MECOM: variants seen among roughly 807,000 people sequenced by gnomAD.
MECOM encodes the protein histone-lysine N-methyltransferase MECOM.
In MECOM, 13 loss-of-function variants were observed where a neutral mutation model predicts 116.3. The observed-to-expected ratio is 0.11, with a 90% CI of 0.07 to 0.18. The LOEUF (loss-of-function observed/expected upper bound fraction) is 0.18, where lower values mean the gene tolerates loss of function less well. Ranked by LOEUF, MECOM falls within the 10% of genes least tolerant of loss-of-function variation. The pLI is 1.00. For missense variants in MECOM, 1,299 were observed against 1,509.0 expected (o/e 0.86, Z 2.31); for synonymous variants, 528 against 535.2 (o/e 0.99, Z 0.19).
chr3:169,344,657 C>G (rs1409194325), intron 2 of MECOM, among the ~76,000 whole-genome samples: 1 of 152,172 alleles, frequency 6.6e-6, no homozygotes, highest in Admixed American at 6.6e-5. Flanking sequence ...TCATTATCAT[C>G]TGAAACTACT....
chr3:169,158,478 C>T (rs1286321680), intron 2 of MECOM, among the ~76,000 whole-genome samples: 1 of 152,070 alleles, frequency 6.6e-6, no homozygotes, highest in Non-Finnish European at 1.5e-5. Context: ...GACGGAAACA[C>T]GAATCATCTG....
At chr3:169,116,784 G>C (rs1159475116) in intron 7 of MECOM, 45 bp from the exon 8 acceptor site, 1 of 1,525,050 alleles carries the variant, frequency 6.6e-7, no homozygotes, top group African/African-American at 1.4e-5. Context: ...TATGTCAATT[G>C]CTTCTGAATT....
intron 1 of MECOM, among the ~76,000 whole-genome samples, chr3:169,462,689 A>T (rs1747654137): frequency 6.6e-6 from 1 of 152,164 alleles, no homozygotes; most frequent in African/African-American, 2.4e-5. Flanking sequence ...AGTCTTGGAT[A>T]GGGGCTTGGG....
At chr3:169,099,470 AT>A (rs1722845691) in intron 12 of MECOM, among the ~76,000 whole-genome samples, 1 of 152,192 alleles carries the variant, frequency 6.6e-6, no homozygotes, top group South Asian at 2.1e-4. Flanking sequence ...AATTGGAAAT[AT>A]ATCACTTATA....
intron 2 of MECOM, among the ~76,000 whole-genome samples, chr3:169,165,616 T>A (rs972475900): frequency 6.6e-6 from 1 of 152,174 alleles, no homozygotes; most frequent in African/African-American, 2.4e-5. Context: ...TTATGTACCA[T>A]ACGAAATTTG....
At chr3:169,211,253 C>T (rs994249831) in intron 2 of MECOM, among the ~76,000 whole-genome samples, 3 of 152,096 alleles carry the variant, frequency 2.0e-5, no homozygotes, top group Admixed American at 6.6e-5. Flanking sequence ...TTTTTCTACT[C>T]TCATGGGGCT....
At chr3:169,570,238 G>C (rs991910236) in intron 1 of MECOM, among the ~76,000 whole-genome samples, 4 of 152,104 alleles carry the variant, frequency 2.6e-5, no homozygotes, top group African/African-American at 9.7e-5. Flanking sequence ...AGAAAATCTA[G>C]AAGAAATGGA....
intron 1 of MECOM, among the ~76,000 whole-genome samples, chr3:169,392,973 C>T (rs990726757): frequency 2.6e-5 from 4 of 152,092 alleles, no homozygotes; most frequent in Admixed American, 6.6e-5. Context: ...TAAAATGGCA[C>T]GCCCACATTT....
intron 2 of MECOM, among the ~76,000 whole-genome samples, chr3:169,181,686 A>C (rs1429304784): frequency 6.6e-6 from 1 of 152,212 alleles, no homozygotes; most frequent in East Asian, 1.9e-4. Flanking sequence ...AAATAGGGTT[A>C]GTGACAGTGT....
chr3:169,421,557 T>C (rs1347273804), intron 1 of MECOM, among the ~76,000 whole-genome samples: 2 of 152,142 alleles, frequency 1.3e-5, no homozygotes, highest in Non-Finnish European at 2.9e-5. Flanking sequence ...TGTCTTCTTC[T>C]TGCTTTCCTT....
chr3:169,663,705 A>T lies in MECOM; in HGVS notation c.-333T>A, dbSNP rs920083404. 14 of 336,794 alleles carry T rather than the reference A, an allele frequency of 4.2e-5. No homozygotes were observed. Among genetic ancestry groups the T allele is most frequent in the Non-Finnish European group, 6.4e-5 (12 of 186,952 alleles). The allele number at this position is 336,794 out of a possible 1,614,324, so 20.9% of individuals were successfully genotyped here. ...CATGCGCGCTAGACGCCCCTCCAAC[A>T]TCTCAGCGCCGCCAAAAAAAGTTTG... On this transcript the variant is annotated 5_prime_UTR_variant, in exon 1 of 17. An upstream start codon of the reference 5' UTR is lost. Transcript: ENST00000651503.
At chr3:169,594,154 CAAAAAAAAA>C (rs34331048) in intron 1 of MECOM, among the ~76,000 whole-genome samples, 13 of 45,730 alleles carry the variant, frequency 2.8e-4, no homozygotes, top group African/African-American at 1.5e-3. Context: ...ACCACCACCA[CAAAAAAAAA>C]AAAAAAAAAA....
intron 2 of MECOM, among the ~76,000 whole-genome samples, chr3:169,369,548 C>T (rs1729748803): frequency 6.6e-6 from 1 of 151,678 alleles, no homozygotes; most frequent in Non-Finnish European, 1.5e-5. Flanking sequence ...TGGGGTCTCA[C>T]TATGTTGCCC....
In MECOM at chr3:169,115,410, G is replaced by A. The variant is rs764772711; in HGVS notation, c.2462C>T (p.Thr821Ile). 3 of 1,614,112 alleles carry A rather than the reference G, an allele frequency of 1.9e-6. No individual in the cohort carries two copies. The highest frequency in any genetic ancestry group is 2.5e-6 in the Non-Finnish European group (3 of 1,179,984). ...SDGSLQHARP[T>I]PFFMDPIYRV... ...GTAAATAGGGTCCATAAAGAAAGGA[G>A]TGGGTCTTGCATGCTGCAAGGAACC... The change falls in exon 8 of 17, where the codon ACT (threonine) becomes ATT (isoleucine). Residue 821 changes from threonine to isoleucine, a missense_variant. Coordinates refer to ENST00000651503, the MANE Select transcript of MECOM (RefSeq NM_004991.4).
At chr3:169,657,228 C>A (rs777333556) in intron 1 of MECOM, among the ~76,000 whole-genome samples, 1 of 152,198 alleles carries the variant, frequency 6.6e-6, no homozygotes, top group Non-Finnish European at 1.5e-5. Flanking sequence ...TCCCTTTAGA[C>A]GCAGTTAATA....
chr3:169,574,592 C>T (rs1035211674), intron 1 of MECOM, among the ~76,000 whole-genome samples: 6 of 152,270 alleles, frequency 3.9e-5, no homozygotes, highest in East Asian at 1.9e-4. Flanking sequence ...CTTTTTGTGA[C>T]GGTACTTTAG....
intron 13 of MECOM, 26 bp from the exon 14 acceptor site, chr3:169,093,128 G>T: frequency 6.4e-7 from 1 of 1,563,406 alleles, no homozygotes; most frequent in South Asian, 1.2e-5. Context: ...AGCCTTTTAT[G>T]ACAAAGATTA....
chr3:169,084,887 A>G lies in MECOM; in HGVS notation c.*22T>C. 2 of 1,613,836 alleles carry G rather than the reference A, an allele frequency of 1.2e-6. No individual in the cohort carries two copies. Among genetic ancestry groups the G allele is most frequent in the Non-Finnish European group, 1.7e-6 (2 of 1,179,868 alleles). On this transcript the variant is annotated 3_prime_UTR_variant, in exon 17 of 17. Coordinates refer to ENST00000651503, the MANE Select transcript of MECOM (RefSeq NM_004991.4). The stretch of plus-strand genomic sequence containing the variant: ...CCATGCTACTGTTGGACTTGGTCCC[A>G]CTCTGGTCAACCTTGATAACGTCAT...
chr3:169,106,321 T>G (rs1195052607), intron 10 of MECOM, among the ~76,000 whole-genome samples: 1 of 152,098 alleles, frequency 6.6e-6, no homozygotes, highest in Non-Finnish European at 1.5e-5. Context: ...TGTGAGTACA[T>G]TGTAGGTGTA....
Sources: gnomAD v4.1 joint callset for allele counts (sites outside exome capture counted in the v4.1 genomes callset) on GRCh38, gnomAD v4.1.1 for gene constraint, MANE v1.5 for transcripts, NCBI Gene and HGNC (gene_info 2026-07-23, HGNC 2026-07-21) for gene names.